Variants in CADPS observed in about 807,000 individuals in gnomAD.
CADPS encodes the protein calcium dependent secretion activator.
CADPS carries 57 observed loss-of-function variants against 167.3 expected under a neutral mutation model. That is an observed-to-expected ratio of 0.34 (90% CI 0.28 to 0.42). The LOEUF (loss-of-function observed/expected upper bound fraction) is 0.42, where lower values mean the gene tolerates loss of function less well. CADPS is among the 20% of genes least tolerant of loss of function. CADPS has a pLI of 1.00. For missense variants in CADPS, 1,414 were observed against 1,738.1 expected (o/e 0.81, Z 3.32); for synonymous variants, 676 against 635.3 (o/e 1.06, Z -0.96).
At chr3:62,745,283 G>T (rs1332510852) in intron 3 of CADPS, among the ~76,000 whole-genome samples, 3 of 152,054 alleles carry the variant, frequency 2.0e-5, no homozygotes, top group African/African-American at 7.2e-5. Flanking sequence ...ATGTTGCCCA[G>T]CCTGGTCTTG....
At chr3:62,600,074 G>T (rs935195902) in intron 6 of CADPS, among the ~76,000 whole-genome samples, 6 of 146,874 alleles carry the variant, frequency 4.1e-5, no homozygotes, top group Non-Finnish European at 7.4e-5. Context: ...TTGTAGAGAG[G>T]TGAGACACAT....
chr3:62,834,293 A>C (rs1023449170), intron 1 of CADPS, among the ~76,000 whole-genome samples: 12 of 152,128 alleles, frequency 7.9e-5, no homozygotes, highest in Admixed American at 7.2e-4. Flanking sequence ...AAGTGGGACA[A>C]GCTGGTGGCT....
Position 62,874,585 on chromosome 3 carries a change from C to CT in CADPS, c.441+3dup. ...TGCTCCCTGGGCCTCCCAGGCGCAC[C>CT]TACCTTCTGCTGCCGGCGAGCCATG... is the stretch of plus-strand genomic sequence containing the variant. On this transcript the variant is annotated splice_donor_region_variant and intron_variant, in intron 1 of 29. Coordinates refer to ENST00000383710, the MANE Select transcript of CADPS (RefSeq NM_003716.4). The surrounding 1 kb of genome is among the most constrained non-coding windows in gnomAD (Gnocchi z 7.1). 2 of 1,546,524 alleles carry CT rather than the reference C, an allele frequency of 1.3e-6. No individual in the cohort carries two copies.
chr3:62,833,877 A>G (rs1300059130), intron 1 of CADPS, among the ~76,000 whole-genome samples: 1 of 152,170 alleles, frequency 6.6e-6, no homozygotes, highest in African/African-American at 2.4e-5. Context: ...ATTGGGAAAA[A>G]TCAAATTATA....
At chr3:62,693,556 C>T (rs944757288) in intron 3 of CADPS, among the ~76,000 whole-genome samples, 9 of 151,912 alleles carry the variant, frequency 5.9e-5, no homozygotes, top group East Asian at 1.9e-4. Context: ...CTGAGACAGG[C>T]GGATCACTTG....
intron 1 of CADPS, among the ~76,000 whole-genome samples, chr3:62,766,356 C>T (rs1463935220): frequency 6.6e-6 from 1 of 152,158 alleles, no homozygotes; most frequent in African/African-American, 2.4e-5. Context: ...CCCAGCTCCA[C>T]ATTCAGTGTT....
chr3:62,748,367 A>AAAAAAAAAAAAAAAAAAT (rs1394418697), intron 3 of CADPS, among the ~76,000 whole-genome samples: 1 of 144,102 alleles, frequency 6.9e-6, no homozygotes, highest in East Asian at 2.0e-4. Flanking sequence ...AAAAAAAAAA[A>AAAAAAAAAAAAAAAAAAT]AAAAAATTAA....
At chr3:62,794,468 A>T (rs2093222474) in intron 1 of CADPS, among the ~76,000 whole-genome samples, 1 of 152,158 alleles carries the variant, frequency 6.6e-6, no homozygotes, top group African/African-American at 2.4e-5. Flanking sequence ...TTGCAGAAAA[A>T]CAACAGAGCT....
chr3:62,573,639 C>T (rs1473881459), intron 8 of CADPS, among the ~76,000 whole-genome samples: 1 of 152,190 alleles, frequency 6.6e-6, no homozygotes, highest in Non-Finnish European at 1.5e-5. Flanking sequence ...TAACTTGGTA[C>T]AACCTATGCT....
At chr3:62,794,493 G>C (rs1362054888) in intron 1 of CADPS, among the ~76,000 whole-genome samples, 1 of 152,118 alleles carries the variant, frequency 6.6e-6, no homozygotes, top group Non-Finnish European at 1.5e-5. Flanking sequence ...AGTGGAGCAG[G>C]TAGTGTTCGA....
intron 10 of CADPS, chr3:62,550,890 A>G (rs1198224365): frequency 2.2e-6 from 1 of 456,518 alleles, no homozygotes; most frequent in Non-Finnish European, 4.4e-6. Flanking sequence ...TGCTTTCTTT[A>G]CTTAGCTTTC....
intron 26 of CADPS, among the ~76,000 whole-genome samples, chr3:62,461,763 C>T (rs2059375693): frequency 6.6e-6 from 1 of 152,200 alleles, no homozygotes; most frequent in African/African-American, 2.4e-5. Context: ...TCCCCGCTTT[C>T]TCTTGCTCTC....
intron 7 of CADPS, among the ~76,000 whole-genome samples, chr3:62,588,972 A>G (rs2085302610): frequency 6.6e-6 from 1 of 152,218 alleles, no homozygotes; most frequent in Non-Finnish European, 1.5e-5. Context: ...TAAATTGAAA[A>G]CAAAATCTTT....
chr3:62,499,312 G>T (rs202185108), intron 17 of CADPS, 44 bp from the exon 18 acceptor site: 2 of 1,306,884 alleles, frequency 1.5e-6, no homozygotes, highest in East Asian at 2.3e-5. Flanking sequence ...AAAGTGGCAG[G>T]CTACTTTTAT....
chr3:62,722,105 G>C (rs771631444), intron 3 of CADPS, among the ~76,000 whole-genome samples: 10 of 152,238 alleles, frequency 6.6e-5, no homozygotes, highest in Non-Finnish European at 1.3e-4. Flanking sequence ...GCTTGGAAGA[G>C]TTAAGTATCT....
chr3:62,722,114 C>T (rs1483131321), intron 3 of CADPS, among the ~76,000 whole-genome samples: 1 of 152,232 alleles, frequency 6.6e-6, no homozygotes, highest in Non-Finnish European at 1.5e-5. Flanking sequence ...AGTTAAGTAT[C>T]TTGTGCAAAA....
intron 24 of CADPS, among the ~76,000 whole-genome samples, chr3:62,468,355 A>T (rs936202400): frequency 2.0e-5 from 3 of 152,128 alleles, no homozygotes; most frequent in African/African-American, 7.2e-5. Flanking sequence ...TAAATCAGAA[A>T]AGCTAGCTGT....
chr3:62,527,002 A>G (rs2072423683), intron 13 of CADPS, among the ~76,000 whole-genome samples: 1 of 152,194 alleles, frequency 6.6e-6, no homozygotes, highest in Non-Finnish European at 1.5e-5. Context: ...CATGGTTGAG[A>G]GGGGTGCTTA....
At chr3:62,871,743 A>G (rs1226299721) in intron 1 of CADPS, among the ~76,000 whole-genome samples, 3 of 152,210 alleles carry the variant, frequency 2.0e-5, no homozygotes, top group Admixed American at 2.0e-4. Flanking sequence ...AAATCTGAAT[A>G]AACTACAGAC....
Sources: gnomAD v4.1 joint callset for allele counts (sites outside exome capture counted in the v4.1 genomes callset) on GRCh38, gnomAD v4.1.1 for gene constraint, Gnocchi (gnomAD v3.1) non-coding constraint, MANE v1.5 for transcripts, NCBI Gene and HGNC (gene_info 2026-07-23, HGNC 2026-07-21) for gene names.